CELSR3: variants seen among roughly 807,000 people sequenced by gnomAD.
CELSR3 encodes cadherin EGF LAG seven-pass G-type receptor 3, also known as EGF-like protein 1.
In CELSR3, 73 loss-of-function variants were observed where a neutral mutation model predicts 270.0. The observed-to-expected ratio is 0.27, with a 90% CI of 0.22 to 0.33. The LOEUF (loss-of-function observed/expected upper bound fraction) is 0.33. Ranked by LOEUF, CELSR3 falls within the 10% of genes least tolerant of loss-of-function variation. The probability of loss-of-function intolerance (pLI) is 1.00; values close to 1 mark genes in which losing one functional copy is unlikely to be tolerated. For missense variants in CELSR3, 3,614 were observed against 4,533.8 expected, an observed-to-expected ratio of 0.80 and a Z score of 5.83; for synonymous variants, 1,780 against 1,905.4, an observed-to-expected ratio of 0.93 and a Z score of 1.71.
rs2106710673 is a variant in CELSR3, at chr3:48,650,646, T to C, written c.6371-65A>G. 1.5e-6 allele frequency: 2 copies of C among 1,312,308 alleles called. No individual in the cohort carries two copies. Among genetic ancestry groups the C allele is most frequent in the South Asian group, 2.7e-5 (2 of 74,988 alleles). 81.3% of individuals were successfully genotyped at this position (1,312,308 alleles called of 1,614,324 possible). A position where few individuals can be genotyped will look rare whatever the true frequency, so the allele number is the denominator to read the frequency against. On this transcript the variant is annotated intron_variant, in intron 15 of 34. Coordinates refer to ENST00000164024, the MANE Select transcript of CELSR3 (RefSeq NM_001407.3). The surrounding 1 kb of genome is among the most constrained non-coding windows in gnomAD (Gnocchi z 5.1). ...CAGGGCAGTTGACAGCCACACCCAC[T>C]GCCCCTCCACCACCCCCCACAAGGC...
At chr3:48,648,238 G>GCGC in intron 19 of CELSR3, 28 bp downstream of exon 19, 3 of 1,342,624 alleles carry the variant, frequency 2.2e-6, no homozygotes, top group Non-Finnish European at 3.2e-6. Flanking sequence ...CCCCTGCTGT[G>GCGC]CCCCGCCCTA....
Position 48,639,352 on chromosome 3 carries a change from A to T in CELSR3, c.9911+322T>A, listed in dbSNP as rs1438929703. Among the ~76,000 whole-genome samples, 7 of 152,092 alleles carry T rather than the reference A, an allele frequency of 4.6e-5. No homozygotes were observed. Among genetic ancestry groups the T allele is most frequent in the Non-Finnish European group, 2.9e-5 (2 of 68,010 alleles). Reference sequence around the variant, plus strand: ...CCCTGCCCCTTGCATATTCCAGGTCATCTCCCACTTCTAGGCCTCAGCTCC... The same window carrying T: ...CCCTGCCCCTTGCATATTCCAGGTCTTCTCCCACTTCTAGGCCTCAGCTCC... On this transcript the variant is annotated intron_variant, in intron 34 of 34. Transcript: ENST00000164024. The surrounding 1 kb of genome is among the most constrained non-coding windows in gnomAD (Gnocchi z 4.1).
rs776317461 is a variant in CELSR3, at chr3:48,651,766, A to G, written c.5924-48T>C. ...CAGGATCCTGGTCGCAGAGCATGGA[A>G]GGAAGCAGGCACCCGTCCCGAGTCC... On this transcript the variant is annotated intron_variant, in intron 12 of 34. Coordinates refer to ENST00000164024, the MANE Select transcript of CELSR3 (RefSeq NM_001407.3). This position sits in a 1 kb window ranked among gnomAD's most constrained non-coding sequence, Gnocchi z 7.4. 22 of 1,535,430 alleles carry G rather than the reference A, an allele frequency of 1.4e-5. No homozygotes were observed. The highest frequency in any genetic ancestry group is 2.1e-5 in the Admixed American group (1 of 47,236).
Position 48,645,819 on chromosome 3 carries a change from T to C in CELSR3, c.7513A>G (p.Arg2505Gly), listed in dbSNP as rs770870398. 4 of 1,611,376 alleles carry C rather than the reference T, an allele frequency of 2.5e-6. No homozygotes were observed. Among genetic ancestry groups the C allele is most frequent in the Middle Eastern group, 3.3e-4 (2 of 6,054 alleles). Residue 2505 changes from arginine to glycine, a missense_variant, in exon 23 of 35, where the codon AGG becomes GGG. This residue lies in a region of CELSR3 where 1,240 missense variants were observed against 1,351.7 expected (regional missense o/e 0.92). Transcript: ENST00000164024. This position sits in a 1 kb window ranked among gnomAD's most constrained non-coding sequence, Gnocchi z 5.4. ...WTARDCELVH[R>G]NGSHARCRCS... ...CGACACCGTGCGTGGGACCCATTCC[T>C]GTGCACCAGCTCGCAGTCCCGTGCT...
rs1000318600 is a variant in CELSR3, at chr3:48,637,007, T to A, written c.*1198A>T. On this transcript the variant is annotated 3_prime_UTR_variant, in exon 35 of 35. Transcript: ENST00000164024. ...TCACTTGGAAACAAAGGAAAAAAAA[T>A]TATCTACTGTAAACAAAGTGTAAAA... The A allele has an allele frequency of 2.0e-5, 3 of 152,410 alleles. No homozygotes were observed. The highest frequency in any genetic ancestry group is 7.2e-5 in the African/African-American group (3 of 41,414). The allele number at this position is 152,410 out of a possible 1,614,324, so 9.4% of individuals were successfully genotyped here. A position where few individuals can be genotyped will look rare whatever the true frequency, so the allele number is the denominator to read the frequency against.
chr3:48,644,312 A>G lies in CELSR3; in HGVS notation c.8086-17T>C. 2 of 1,611,812 alleles carry G rather than the reference A, an allele frequency of 1.2e-6. No individual in the cohort carries two copies. The highest frequency in any genetic ancestry group is 1.7e-6 in the Non-Finnish European group (2 of 1,178,752). On this transcript the variant is annotated splice_polypyrimidine_tract_variant and intron_variant, in intron 26 of 34. Coordinates refer to ENST00000164024, the MANE Select transcript of CELSR3 (RefSeq NM_001407.3). The surrounding 1 kb of genome is among the most constrained non-coding windows in gnomAD (Gnocchi z 4.8). ...CCCGTTCATCTGGACCCACGGCCAG[A>G]CATGTGGGGCCGGGCAGGGCAGAGA...
Position 48,659,568 on chromosome 3 carries a change from T to A in CELSR3, c.3067A>T (p.Arg1023Trp). 2 of 1,614,224 alleles carry A rather than the reference T, an allele frequency of 1.2e-6. No homozygotes were observed. Among genetic ancestry groups the A allele is most frequent in the South Asian group, 2.2e-5 (2 of 91,090 alleles). ...EPTSGIVRTV[R>W]RLDREAVSVY... ...GATACTGCCTCCCGGTCTAGCCGCC[T>A]TACTGTACGGACAATTCCAGAGGTG... The change falls in exon 1 of 35, where the codon AGG (arginine) becomes TGG (tryptophan). Residue 1023 changes from arginine to tryptophan, a missense_variant. Arg to Trp is a moderately radical substitution (Grantham distance 101). This residue lies in a region of CELSR3 where 1,331 missense variants were observed against 1,933.7 expected (regional missense o/e 0.69). Coordinates refer to ENST00000164024, the MANE Select transcript of CELSR3 (RefSeq NM_001407.3). The surrounding 1 kb of genome is among the most constrained non-coding windows in gnomAD (Gnocchi z 8.1).
chr3:48,643,352 TG>T, intron 28 of CELSR3: 1 of 733,256 alleles, frequency 1.4e-6, no homozygotes, highest in Non-Finnish European at 2.2e-6. Context: ...GCACTCAGTC[TG>T]GGATCAGTGC....
Position 48,644,418 on chromosome 3 carries a change from CAT to C in CELSR3, c.8086-125_8086-124del. The C allele has an allele frequency of 3.6e-6, 3 of 831,478 alleles. No individual in the cohort carries two copies. Among genetic ancestry groups the C allele is most frequent in the Non-Finnish European group, 6.0e-6 (3 of 504,130 alleles). 51.5% of individuals were successfully genotyped at this position (831,478 alleles called of 1,614,324 possible). ...AGGCAGAACCAGTGAGAAATTCACA[CAT>C]ATACACACACACCAAAGGAGCTTAG... On this transcript the variant is annotated intron_variant, in intron 26 of 34. Coordinates refer to ENST00000164024, the MANE Select transcript of CELSR3 (RefSeq NM_001407.3). This position sits in a 1 kb window ranked among gnomAD's most constrained non-coding sequence, Gnocchi z 4.8.
rs142614171 is a variant in CELSR3, at chr3:48,640,441, A to G, written c.9144T>C (p.Gly3048=). Residue 3048 remains glycine, a synonymous_variant, in exon 34 of 35, where the codon GGT becomes GGC. Transcript: ENST00000164024. This position sits in a 1 kb window ranked among gnomAD's most constrained non-coding sequence, Gnocchi z 7.5. ...GHRAVPAASY[G]RIYAGGGTGS... is the part of the protein sequence containing the mutation. ...CCGTGCCCCCGCCAGCATAGATGCG[A>G]CCGTAAGAGGCAGCTGGCACAGCAC... 2.2e-5 allele frequency: 36 copies of G among 1,612,594 alleles called. No homozygotes were observed. The African/African-American group carries it at 3.3e-4, about 15-fold the overall frequency.
In CELSR3 at chr3:48,653,667, C is replaced by T. The variant is rs1490089698; in HGVS notation, c.5400G>A (p.Gly1800=). The T allele has an allele frequency of 2.5e-6, 4 of 1,614,162 alleles. No homozygotes were observed. The highest frequency in any genetic ancestry group is 3.4e-6 in the Non-Finnish European group (4 of 1,180,024). The part of the protein sequence containing the change: ...GLAFRTRATQ[G]VLMQVQAGPH... ...GCCCAGCCTGCACTTGCATCAGGAC[C>T]CCCTGCGTTGCCCGTGTCCGAAATG... Residue 1800 remains glycine (G), a synonymous_variant, in exon 9 of 35, where the codon GGG becomes GGA. Coordinates refer to ENST00000164024, the MANE Select transcript of CELSR3 (RefSeq NM_001407.3). The surrounding 1 kb of genome is among the most constrained non-coding windows in gnomAD (Gnocchi z 6.5).
rs547489606 is a variant in CELSR3 at position 48,644,591 on chromosome 3, A to G, written c.8085+125T>C. On this transcript the variant is annotated intron_variant, in intron 26 of 34. Coordinates refer to ENST00000164024, the MANE Select transcript of CELSR3 (RefSeq NM_001407.3). The surrounding 1 kb of genome is among the most constrained non-coding windows in gnomAD (Gnocchi z 4.8). The stretch of plus-strand genomic sequence containing the variant: ...GGTGGCTACTGACCAGAGGACAGAA[A>G]AAATGAAGGCCGAGCCCAGGAAGCC... 2 of 776,224 alleles carry G rather than the reference A, an allele frequency of 2.6e-6. No homozygotes were observed. Among genetic ancestry groups the G allele is most frequent in the Admixed American group, 4.9e-5 (2 of 41,018 alleles). The allele number at this position is 776,224 out of a possible 1,614,324, so 48.1% of individuals were successfully genotyped here.
chr3:48,656,913 C>T lies in CELSR3; in HGVS notation c.4184G>A (p.Arg1395His). Residue 1395 changes from arginine to histidine, a missense_variant, in exon 2 of 35, where the codon CGC (arginine) becomes CAC (histidine). Around this residue, in one of 7 missense-constraint regions of CELSR3, gnomAD observed 1,331 missense variants for 1,933.7 expected, o/e 0.69. Transcript: ENST00000164024. Reference protein sequence around the residue: ...ENYMKCVSVLRFDSSAPFLAS... With the variant: ...ENYMKCVSVLHFDSSAPFLAS... ...CAGGAAGGGCGCGGACGAGTCAAAGCGGAGCACGGACACGCATTTCATGTA... is the reference window on the plus strand; with the variant it reads ...CAGGAAGGGCGCGGACGAGTCAAAGTGGAGCACGGACACGCATTTCATGTA... 7 of 1,610,546 alleles carry T rather than the reference C, an allele frequency of 4.3e-6. No homozygotes were observed. Among genetic ancestry groups the T allele is most frequent in the Non-Finnish European group, 5.9e-6 (7 of 1,178,332 alleles).
rs368089584 is a variant in CELSR3, at chr3:48,650,964, G to A, written c.6298C>T (p.Pro2100Ser). 54 of 1,611,762 alleles carry A rather than the reference G, an allele frequency of 3.4e-5. No individual in the cohort carries two copies. The highest frequency in any genetic ancestry group is 4.3e-5 in the Non-Finnish European group (51 of 1,179,798). ...TTGCACTGGCGGCCAAGGGCTCCTG[G>A]GCGACAGGGGCACTGCCCGCTGTGG... is the stretch of plus-strand genomic sequence containing the variant. Reference protein sequence around the residue: ...APHSGQCPCRPGALGRQCNSC... With the variant: ...APHSGQCPCRSGALGRQCNSC... The change falls in exon 15 of 35, where the codon CCA (proline) becomes TCA (serine). Residue 2100 changes from proline (P) to serine (S), a missense_variant. Transcript: ENST00000164024. The surrounding 1 kb of genome is among the most constrained non-coding windows in gnomAD (Gnocchi z 5.1).
intron 2 of CELSR3, 122 bp from the exon 3 acceptor site, chr3:48,656,487 G>C: frequency 8.7e-7 from 1 of 1,145,906 alleles, no homozygotes; most frequent in Non-Finnish European, 1.2e-6. Flanking sequence ...CTCTTCGGTG[G>C]ACACGCCCCT....
rs764117584 is a variant in CELSR3 at position 48,646,925 on chromosome 3, A to G, written c.7133T>C (p.Leu2378Pro). Residue 2378 changes from leucine (L) to proline (P), a missense_variant, in exon 21 of 35, where the codon CTG becomes CCG. Transcript: ENST00000164024. This position sits in a 1 kb window ranked among gnomAD's most constrained non-coding sequence, Gnocchi z 4.8. The stretch of plus-strand genomic sequence containing the variant: ...GTTTTCTATGCTGCTGCTTGTGGGC[A>G]GAACTGCCAGGAGAGAAGGAGGAGC... ...QSPRPSPSEV[L>P]PTSSSIENST... The G allele has an allele frequency of 1.3e-6, 2 of 1,533,258 alleles. No individual in the cohort carries two copies. The allele number at this position is 1,533,258 out of a possible 1,614,324, so 95.0% of individuals were successfully genotyped here.
chr3:48,662,434 A>G lies in CELSR3; in HGVS notation c.201T>C (p.Ser67=), dbSNP rs1377472604. Residue 67 remains serine, a synonymous_variant, in exon 1 of 35, where the codon TCT becomes TCC. Coordinates refer to ENST00000164024, the MANE Select transcript of CELSR3 (RefSeq NM_001407.3). This position sits in a 1 kb window ranked among gnomAD's most constrained non-coding sequence, Gnocchi z 7.1. ...GCCCCCCATCCTCCCGGACCCCGGAAGACTCCGGACAAAGAGCTAAGGCTC... is the reference window on the plus strand; with the variant it reads ...GCCCCCCATCCTCCCGGACCCCGGAGGACTCCGGACAAAGAGCTAAGGCTC... ...GGGALALCPE[S]SGVREDGGPG... 6.2e-7 allele frequency: 1 copy of G among 1,612,734 alleles called. No homozygotes were observed. Among genetic ancestry groups the G allele is most frequent in the Admixed American group, 1.7e-5 (1 of 60,012 alleles).
rs1420764877 is a variant in CELSR3 at position 48,651,003 on chromosome 3, G to A, written c.6259C>T (p.Arg2087Cys). Residue 2087 changes from arginine (R) to cysteine (C), a missense_variant, in exon 15 of 35, where the codon CGC (arginine) becomes TGC (cysteine). Arg to Cys is a radical substitution (Grantham distance 180, BLOSUM62 -3). Transcript: ENST00000164024. This position sits in a 1 kb window ranked among gnomAD's most constrained non-coding sequence, Gnocchi z 7.4. ...CDCYPVGSTS[R>C]SCAPHSGQCP... The stretch of plus-strand genomic sequence containing the variant: ...TGCCCGCTGTGGGGTGCACATGAGC[G>A]CGAGGTGGAGCCCACAGGGTAGCAG... 2 of 1,607,546 alleles carry A rather than the reference G, an allele frequency of 1.2e-6. No homozygotes were observed. Among genetic ancestry groups the A allele is most frequent in the South Asian group, 2.2e-5 (2 of 90,334 alleles).
Position 48,648,393 on chromosome 3 carries a change from C to G in CELSR3, c.6846G>C (p.Gln2282His). The G allele has an allele frequency of 6.2e-7, 1 of 1,610,046 alleles. No homozygotes were observed. The highest frequency in any genetic ancestry group is 8.5e-7 in the Non-Finnish European group (1 of 1,178,906). The change falls in exon 19 of 35, where the codon CAG becomes CAC. Residue 2282 changes from glutamine (Q) to histidine (H), a missense_variant. Around this residue, in one of 7 missense-constraint regions of CELSR3, gnomAD observed 1,331 missense variants for 1,933.7 expected, o/e 0.69. Transcript: ENST00000164024. The part of the protein sequence containing the change: ...ETGDLWAALG[Q>H]RAPGGSPGSA... ...TGCCTGGGGAGCCCCCAGGGGCCCG[C>G]TGCCCCAGCGCCGCCCACAAGTCCC... is the stretch of plus-strand genomic sequence containing the variant.
Sources: allele counts gnomAD v4.1 joint callset (sites outside exome capture counted in the v4.1 genomes callset), GRCh38; gene constraint gnomAD v4.1.1; regional missense constraint gnomAD v4.1.1; non-coding constraint Gnocchi (gnomAD v3.1); transcripts MANE v1.5; gene names NCBI Gene and HGNC (gene_info 2026-07-23, HGNC 2026-07-21).